TET3: variants seen among roughly 807,000 people sequenced by gnomAD.
TET3 encodes the protein tet methylcytosine dioxygenase 3.
Under a neutral mutation model 141.4 loss-of-function variants are expected in TET3, and 19 were observed. The observed-to-expected ratio is 0.13, with a 90% CI of 0.09 to 0.20. The LOEUF (loss-of-function observed/expected upper bound fraction) is 0.20, where lower values mean the gene tolerates loss of function less well. Among genes scored for constraint, TET3 ranks in the 10% least tolerant of loss-of-function variants. The pLI is 1.00. For synonymous variants in TET3, 1,043 were observed against 980.9 expected, an observed-to-expected ratio of 1.06 and a Z score of -1.18; for missense variants, 1,874 against 2,356.9, an observed-to-expected ratio of 0.80 and a Z score of 4.24.
chr2:74,098,438 T>C (rs986814404), intron 10 of TET3, among the ~76,000 whole-genome samples: 2 of 152,118 alleles, frequency 1.3e-5, no homozygotes, highest in African/African-American at 4.8e-5. Context: ...CCCCTTTAAT[T>C]AGCAAAAAGT....
intron 3 of TET3, 84 bp downstream of exon 3, chr2:74,003,250 C>T: frequency 6.6e-7 from 1 of 1,520,208 alleles, no homozygotes; most frequent in Non-Finnish European, 8.9e-7. Context: ...AATAAAGGGT[C>T]TCCTCTGGTG....
intron 2 of TET3, 111 bp from the exon 3 acceptor site, chr2:74,002,999 C>A: frequency 1.7e-6 from 2 of 1,147,200 alleles, no homozygotes; most frequent in South Asian, 1.4e-5. Flanking sequence ...AGGCTGTATC[C>A]CCTCCCGTTC....
intron 6 of TET3, among the ~76,000 whole-genome samples, chr2:74,085,702 G>T (rs1396632774): frequency 6.6e-6 from 1 of 152,218 alleles, no homozygotes; most frequent in African/African-American, 2.4e-5. Context: ...GGTAACGCCC[G>T]CTCGCCTGCT....
At chr2:74,017,331 T>A (rs995520995) in intron 3 of TET3, among the ~76,000 whole-genome samples, 4 of 152,188 alleles carry the variant, frequency 2.6e-5, no homozygotes, top group African/African-American at 9.6e-5. Flanking sequence ...ACACCGCAAC[T>A]TAGTCCTTCT....
At chr2:74,065,674 T>G (rs1436615310) in intron 4 of TET3, among the ~76,000 whole-genome samples, 3 of 151,194 alleles carry the variant, frequency 2.0e-5, no homozygotes, top group Non-Finnish European at 4.4e-5. Context: ...TCTTTCTTTC[T>G]TTCCCTTTCT....
In TET3 at chr2:74,068,468, T is replaced by C. The variant is rs555197873; in HGVS notation, c.2495-5081T>C. ...TTGACAACTGCTCAATATTTCATTATATGGATATGCTGTAATGCATTTAAC... is the reference window on the plus strand; with the variant it reads ...TTGACAACTGCTCAATATTTCATTACATGGATATGCTGTAATGCATTTAAC... On this transcript the variant is annotated intron_variant, in intron 4 of 11. Transcript: ENST00000409262. 7.2e-5 allele frequency among the ~76,000 whole-genome samples: 11 copies of C among 152,338 alleles called. No individual in the cohort carries two copies. In the South Asian group the frequency reaches 2.1e-3, roughly 29 times the overall value.
the TET3 span, among the ~76,000 whole-genome samples, chr2:74,115,850 C>T: frequency 6.6e-6 from 1 of 151,638 alleles, no homozygotes; most frequent in Non-Finnish European, 1.5e-5. Context: ...CCTTTCTCTA[C>T]AAAAAATACA....
chr2:74,053,543 A>G (rs1688061775), intron 4 of TET3, among the ~76,000 whole-genome samples: 2 of 152,218 alleles, frequency 1.3e-5, no homozygotes, highest in African/African-American at 2.4e-5. Context: ...CAGCAAAAGC[A>G]AGAGGTTAGG....
chr2:74,135,491 G>A, the TET3 span: 12 of 1,526,852 alleles, frequency 7.9e-6, no homozygotes, highest in Admixed American at 5.0e-5. Flanking sequence ...AAATGTATAT[G>A]AGCAAAATAT....
intron 2 of TET3, chr2:74,002,795 G>A (rs901084333): frequency 2.1e-5 from 12 of 568,922 alleles, no homozygotes; most frequent in Admixed American, 9.5e-5. Flanking sequence ...AGAGGAGGCC[G>A]GCCGAGGTAG....
At chr2:74,043,996 A>C (rs1687480788) in intron 3 of TET3, among the ~76,000 whole-genome samples, 1 of 152,162 alleles carries the variant, frequency 6.6e-6, no homozygotes, top group Non-Finnish European at 1.5e-5. Context: ...TCAGGCTCTA[A>C]AATTAAAAAA....
At chr2:74,065,534 A>G (rs530576691) in intron 4 of TET3, among the ~76,000 whole-genome samples, 1 of 145,580 alleles carries the variant, frequency 6.9e-6, no homozygotes, top group South Asian at 2.2e-4. Context: ...TTTCTCCAAG[A>G]CCACCTGATT....
At chr2:74,128,690 G>C in the TET3 span, among the ~76,000 whole-genome samples, 1 of 149,118 alleles carries the variant, frequency 6.7e-6, no homozygotes, top group Non-Finnish European at 1.5e-5. Context: ...AAATAATAAA[G>C]ACTATTAGAA....
chr2:74,117,594 G>A, the TET3 span, among the ~76,000 whole-genome samples: 4 of 152,008 alleles, frequency 2.6e-5, no homozygotes, highest in Non-Finnish European at 5.9e-5. Context: ...ATGGTACAAT[G>A]AGCACCCACA....
intron 3 of TET3, among the ~76,000 whole-genome samples, chr2:74,025,413 G>A (rs908989562): frequency 2.0e-5 from 3 of 150,288 alleles, no homozygotes; most frequent in East Asian, 2.0e-4. Flanking sequence ...CTCAGCCTCC[G>A]AGTAGCTGGG....
In TET3 at chr2:74,047,014, TCTC is replaced by T; in HGVS notation, c.1101_1103del (p.Ser368del). The T allele has an allele frequency of 1.2e-6, 2 of 1,613,848 alleles. No homozygotes were observed. Among genetic ancestry groups the T allele is most frequent in the South Asian group, 2.2e-5 (2 of 91,078 alleles). ...ATTGCCATTGAGGCCCTCACACAGC[TCTC>T]CTCTGCCCTCCCGCAGCCTTCTCAT... On this transcript the variant is annotated inframe_deletion, in exon 4 of 12. Transcript: ENST00000409262.
intron 3 of TET3, among the ~76,000 whole-genome samples, chr2:74,026,733 T>C (rs1686386030): frequency 6.6e-6 from 1 of 152,178 alleles, no homozygotes; most frequent in South Asian, 2.1e-4. Context: ...AACTTTTTTT[T>C]TTTTTTTAAT....
At chr2:73,994,172 G>C (rs1488586629) in intron 2 of TET3, among the ~76,000 whole-genome samples, 1 of 152,124 alleles carries the variant, frequency 6.6e-6, no homozygotes, top group African/African-American at 2.4e-5. Flanking sequence ...CTTCCTAGCA[G>C]GTAGGAATAA....
intron 4 of TET3, among the ~76,000 whole-genome samples, chr2:74,070,494 G>C (rs868074891): frequency 5.9e-5 from 9 of 152,180 alleles, no homozygotes; most frequent in Admixed American, 5.2e-4. Context: ...TTTGGGTGGG[G>C]ACACAGCTAG....
Sources: allele counts gnomAD v4.1 joint callset (sites outside exome capture counted in the v4.1 genomes callset), GRCh38; gene constraint gnomAD v4.1.1; transcripts MANE v1.5; gene names NCBI Gene and HGNC (gene_info 2026-07-23, HGNC 2026-07-21).